Variants in REDIC1 observed in about 807,000 individuals in gnomAD.
REDIC1 encodes the protein HEI10 Interacting Protein 1.
At chr12:39,796,150 G>A in the REDIC1 span, among the ~76,000 whole-genome samples, 2 of 152,022 alleles carry the variant, frequency 1.3e-5, no homozygotes, top group Non-Finnish European at 1.5e-5. Flanking sequence ...TTTTGTAACT[G>A]GTACTAGACC....
chr12:39,838,506 T>TAA, the REDIC1 span, among the ~76,000 whole-genome samples: 2,366 of 142,282 alleles, frequency 0.017, 24 homozygotes, highest in Middle Eastern at 0.025. Context: ...AAAAATAAAT[T>TAA]AAAAAAAAAA....
the REDIC1 span, among the ~76,000 whole-genome samples, chr12:39,706,314 C>G: frequency 6.6e-6 from 1 of 151,912 alleles, no homozygotes; most frequent in Non-Finnish European, 1.5e-5. Flanking sequence ...GAAGAGGACA[C>G]CAAAACATGG....
chr12:39,673,267 A>G, the REDIC1 span, among the ~76,000 whole-genome samples: 1 of 152,156 alleles, frequency 6.6e-6, no homozygotes, highest in African/African-American at 2.4e-5. Context: ...AAAGTGTCCT[A>G]TGCCTCTAGT....
chr12:39,752,923 T>G, the REDIC1 span, among the ~76,000 whole-genome samples: 1 of 152,200 alleles, frequency 6.6e-6, no homozygotes, highest in Admixed American at 6.5e-5. Flanking sequence ...AAAAATCACC[T>G]GCAGAGTTGT....
the REDIC1 span, among the ~76,000 whole-genome samples, chr12:39,733,548 G>A: frequency 6.6e-6 from 1 of 151,316 alleles, no homozygotes; most frequent in Non-Finnish European, 1.5e-5. Flanking sequence ...TTAAGTTTTA[G>A]GGTACATGTG....
the REDIC1 span, among the ~76,000 whole-genome samples, chr12:39,856,375 T>C: frequency 6.6e-6 from 1 of 152,180 alleles, no homozygotes; most frequent in African/African-American, 2.4e-5. Flanking sequence ...TTATTTATTT[T>C]ATTTTATTTT....
the REDIC1 span, among the ~76,000 whole-genome samples, chr12:39,666,258 G>T: frequency 1.3e-5 from 2 of 152,116 alleles, no homozygotes; most frequent in South Asian, 4.1e-4. Flanking sequence ...CTAATTTATT[G>T]AGAGCTTTTA....
chr12:39,876,023 G>A, the REDIC1 span, among the ~76,000 whole-genome samples: 1 of 152,222 alleles, frequency 6.6e-6, no homozygotes, highest in Admixed American at 6.5e-5. Context: ...CTCAAAGCAG[G>A]CATACCTTCT....
At chr12:39,645,040 C>T in the REDIC1 span, among the ~76,000 whole-genome samples, 24 of 151,940 alleles carry the variant, frequency 1.6e-4, no homozygotes, top group Non-Finnish European at 8.8e-5. Flanking sequence ...AGCAAGGCCT[C>T]TTTGTTCAGA....
At chr12:39,751,100 G>T in the REDIC1 span, among the ~76,000 whole-genome samples, 5 of 152,160 alleles carry the variant, frequency 3.3e-5, no homozygotes, top group Non-Finnish European at 7.3e-5. Flanking sequence ...CACAGCAAAA[G>T]AAACTACTAT....
At chr12:39,869,454 AT>A in the REDIC1 span, among the ~76,000 whole-genome samples, 1 of 152,218 alleles carries the variant, frequency 6.6e-6, no homozygotes, top group South Asian at 2.1e-4. Flanking sequence ...TATCCACTGT[AT>A]CACTTGAATT....
the REDIC1 span, among the ~76,000 whole-genome samples, chr12:39,784,787 C>T: frequency 6.6e-6 from 1 of 152,174 alleles, no homozygotes; most frequent in Admixed American, 6.5e-5. Flanking sequence ...AGTGAACAGG[C>T]AACCTATAGA....
chr12:39,649,346 G>C, the REDIC1 span, among the ~76,000 whole-genome samples: 1 of 151,864 alleles, frequency 6.6e-6, no homozygotes, highest in South Asian at 2.1e-4. Flanking sequence ...TGAAAAACAA[G>C]TTAGAACAAA....
chr12:39,814,695 C>G, the REDIC1 span, among the ~76,000 whole-genome samples: 1 of 152,106 alleles, frequency 6.6e-6, no homozygotes, highest in Admixed American at 6.5e-5. Flanking sequence ...GTCTGCTATC[C>G]CTGCATATAC....
At chr12:39,734,274 A>T in the REDIC1 span, among the ~76,000 whole-genome samples, 1 of 152,156 alleles carries the variant, frequency 6.6e-6, no homozygotes, top group Non-Finnish European at 1.5e-5. Flanking sequence ...TGAGCTGGGT[A>T]CCTCAGATGG....
chr12:39,841,548 A>G, the REDIC1 span, among the ~76,000 whole-genome samples: 2 of 152,110 alleles, frequency 1.3e-5, no homozygotes, highest in Non-Finnish European at 2.9e-5. Flanking sequence ...ATGTATATAA[A>G]TGTATATCTA....
chr12:39,829,392 C>CTTTTATTTTT, the REDIC1 span: 1 of 65,796 alleles, frequency 1.5e-5, no homozygotes, highest in Non-Finnish European at 2.5e-5. Flanking sequence ...GATAGTAATT[C>CTTTTATTTTT]TTTTTTTTTT....
chr12:39,790,577 C>T, the REDIC1 span, among the ~76,000 whole-genome samples: 2 of 145,960 alleles, frequency 1.4e-5, no homozygotes, highest in Non-Finnish European at 3.0e-5. Context: ...GCATAGTATT[C>T]CATGGTGTAT....
the REDIC1 span, among the ~76,000 whole-genome samples, chr12:39,866,601 T>C: frequency 6.6e-6 from 1 of 152,032 alleles, no homozygotes; most frequent in Admixed American, 6.5e-5. Flanking sequence ...TGCCTCAGCC[T>C]CTGGAGTAGC....
Sources: gnomAD v4.1 joint callset for allele counts (sites outside exome capture counted in the v4.1 genomes callset) on GRCh38, gnomAD v4.1.1 for gene constraint, MANE v1.5 for transcripts, NCBI Gene and HGNC (gene_info 2026-07-23, HGNC 2026-07-21) for gene names.